PHF21A: variants seen among roughly 807,000 people sequenced by gnomAD.
The protein encoded by PHF21A is PHD finger protein 21A, also known as BHC80a.
Under a neutral mutation model 82.5 loss-of-function variants are expected in PHF21A, and 11 were observed. The ratio of observed to expected loss-of-function variants is 0.13; its 90% CI spans 0.08 to 0.22. PHF21A has a LOEUF of 0.22. Ranked by LOEUF, PHF21A falls within the 10% of genes least tolerant of loss-of-function variation. The pLI, the probability that PHF21A is intolerant of heterozygous loss-of-function variation, is 1.00. For synonymous variants in PHF21A, 297 were observed against 302.8 expected (o/e 0.98, Z 0.20); for missense variants, 579 against 837.8 (o/e 0.69, Z 3.81).
intron 6 of PHF21A, among the ~76,000 whole-genome samples, chr11:46,023,205 T>C (rs1322982720): frequency 6.6e-6 from 1 of 152,232 alleles, no homozygotes. Flanking sequence ...CAGGGACTTA[T>C]GAAAGGATGC....
chr11:45,950,334 A>G, intron 11 of PHF21A, 77 bp from the exon 12 acceptor site: 1 of 1,299,694 alleles, frequency 7.7e-7, no homozygotes, highest in African/African-American at 1.5e-5. Context: ...CTAGTAGGAC[A>G]TTAGGGAAAG....
chr11:45,995,418 G>T (rs969158457), intron 6 of PHF21A, among the ~76,000 whole-genome samples: 2 of 152,230 alleles, frequency 1.3e-5, no homozygotes, highest in African/African-American at 4.8e-5. Flanking sequence ...TTACACAGGG[G>T]TGCATACCTA....
At chr11:46,008,500 GA>G (rs934303674) in intron 6 of PHF21A, among the ~76,000 whole-genome samples, 1 of 152,112 alleles carries the variant, frequency 6.6e-6, no homozygotes, top group Non-Finnish European at 1.5e-5. Context: ...CCAATGTCTT[GA>G]AAGCTACTCC....
chr11:46,105,673 T>C (rs2097145473), intron 1 of PHF21A, among the ~76,000 whole-genome samples: 1 of 152,112 alleles, frequency 6.6e-6, no homozygotes, highest in African/African-American at 2.4e-5. Flanking sequence ...ATAACAAATG[T>C]CCAATGATAA....
At chr11:45,955,916 GC>G (rs1362889361) in intron 10 of PHF21A, among the ~76,000 whole-genome samples, 2 of 152,290 alleles carry the variant, frequency 1.3e-5, no homozygotes, top group East Asian at 3.9e-4. Context: ...CTGTAGCACA[GC>G]CTTAAAATTA....
intron 6 of PHF21A, among the ~76,000 whole-genome samples, chr11:46,022,476 CAAA>C (rs1239707129): frequency 6.6e-6 from 1 of 151,790 alleles, no homozygotes; most frequent in Non-Finnish European, 1.5e-5. Context: ...GAAAAAGAAA[CAAA>C]AAGACAGGGT....
At chr11:45,960,699 TA>T (rs920957345) in intron 10 of PHF21A, among the ~76,000 whole-genome samples, 43 of 151,700 alleles carry the variant, frequency 2.8e-4, no homozygotes, top group African/African-American at 4.1e-4. Context: ...TCACCTCAAT[TA>T]AAAAAAAATT....
chr11:45,970,796 TAGAG>T lies in PHF21A; in HGVS notation c.612+316_612+319del, dbSNP rs2093698756. ...ACTCAAGTTTCACAGGAAAACACTGTAGAGAGAGTGAAGGGAGAGGGAGACATAA... is the reference window on the plus strand; with the variant it reads ...ACTCAAGTTTCACAGGAAAACACTGTAGAGTGAAGGGAGAGGGAGACATAA... On this transcript the variant is annotated intron_variant, in intron 8 of 18. Coordinates refer to ENST00000676320, the MANE Select transcript of PHF21A (RefSeq NM_001352027.3). 1.8e-5 allele frequency: 5 copies of T among 284,864 alleles called. No homozygotes were observed. In the South Asian group the frequency reaches 2.6e-4, roughly 15 times the overall value. The allele number at this position is 284,864 out of a possible 1,614,324, so 17.6% of individuals were successfully genotyped here.
At chr11:46,051,349 C>A (rs1365976515) in intron 6 of PHF21A, among the ~76,000 whole-genome samples, 1 of 152,034 alleles carries the variant, frequency 6.6e-6, no homozygotes, top group Non-Finnish European at 1.5e-5. Flanking sequence ...TGCCTGGGGG[C>A]CCAAAATACA....
At chr11:45,943,728 C>T (rs1204818985) in intron 15 of PHF21A, among the ~76,000 whole-genome samples, 2 of 152,156 alleles carry the variant, frequency 1.3e-5, no homozygotes, top group African/African-American at 4.8e-5. Context: ...ATCTCCACCA[C>T]AGGAAAAAGG....
intron 6 of PHF21A, among the ~76,000 whole-genome samples, chr11:46,049,063 CA>C (rs2139076588): frequency 6.6e-6 from 1 of 152,292 alleles, no homozygotes; most frequent in South Asian, 2.1e-4. Context: ...TTACTGACAA[CA>C]GGGATGACAA....
At chr11:45,957,980 A>G (rs756114307) in intron 10 of PHF21A, among the ~76,000 whole-genome samples, 2 of 152,102 alleles carry the variant, frequency 1.3e-5, no homozygotes, top group Non-Finnish European at 1.5e-5. Flanking sequence ...ATAGGAGAAT[A>G]TATTGAAAAA....
At chr11:45,989,535 GTT>G (rs1028922608) in intron 6 of PHF21A, among the ~76,000 whole-genome samples, 3 of 149,136 alleles carry the variant, frequency 2.0e-5, no homozygotes, top group African/African-American at 7.4e-5. Context: ...CGGGCCTGAT[GTT>G]GCGCACCTGT....
chr11:46,035,462 A>T (rs527421761), intron 6 of PHF21A, among the ~76,000 whole-genome samples: 3 of 152,234 alleles, frequency 2.0e-5, no homozygotes, highest in Non-Finnish European at 4.4e-5. Context: ...TATTCAGTAC[A>T]CTACATTGTG....
intron 6 of PHF21A, among the ~76,000 whole-genome samples, chr11:45,981,933 TG>T (rs1591562981): frequency 1.4e-5 from 2 of 148,082 alleles, no homozygotes; most frequent in Admixed American, 6.7e-5. Context: ...TCTCTCTTTT[TG>T]TTTTTCTTTT....
At chr11:46,097,317 T>C (rs1004675604) in intron 1 of PHF21A, among the ~76,000 whole-genome samples, 9 of 152,146 alleles carry the variant, frequency 5.9e-5, no homozygotes, top group Non-Finnish European at 1.2e-4. Context: ...CCACAGGCAC[T>C]GAGTGATTTG....
chr11:46,017,223 A>G (rs1439485453), intron 6 of PHF21A, among the ~76,000 whole-genome samples: 4 of 152,184 alleles, frequency 2.6e-5, no homozygotes, highest in Admixed American at 1.3e-4. Flanking sequence ...CGCTCGCCTC[A>G]GCCTCCCAGA....
At chr11:46,078,325 T>G (rs191858453) in intron 5 of PHF21A, among the ~76,000 whole-genome samples, 32 of 152,322 alleles carry the variant, frequency 2.1e-4, no homozygotes, top group African/African-American at 7.7e-4. Flanking sequence ...GATTTTACTT[T>G]ACAGTGAAGC....
chr11:45,951,419 C>A (rs2092096763), intron 11 of PHF21A, among the ~76,000 whole-genome samples: 1 of 152,282 alleles, frequency 6.6e-6, no homozygotes, highest in Middle Eastern at 3.4e-3. Flanking sequence ...ACTTCAGAGT[C>A]CTGAAGAAAT....
Sources: gnomAD v4.1 joint callset for allele counts (sites outside exome capture counted in the v4.1 genomes callset) on GRCh38, gnomAD v4.1.1 for gene constraint, MANE v1.5 for transcripts, NCBI Gene and HGNC (gene_info 2026-07-23, HGNC 2026-07-21) for gene names.